PHKA2: variants seen among roughly 807,000 people sequenced by gnomAD.
PHKA2 encodes phosphorylase kinase regulatory subunit alpha 2, also known as phosphorylase b kinase regulatory subunit alpha, liver isoform.
Under a neutral mutation model 102.0 loss-of-function variants are expected in PHKA2, and 31 were observed. The ratio of observed to expected loss-of-function variants is 0.30; its 90% CI spans 0.23 to 0.41. The LOEUF (loss-of-function observed/expected upper bound fraction) is 0.41, where lower values mean the gene tolerates loss of function less well. Among genes scored for constraint, PHKA2 ranks in the 10% least tolerant of loss-of-function variants. PHKA2 has a pLI of 1.00. For synonymous variants in PHKA2, 455 were observed against 416.2 expected (o/e 1.09, Z -1.13); for missense variants, 858 against 1,023.1 (o/e 0.84, Z 2.20).
intron 1 of PHKA2, among the ~76,000 whole-genome samples, chrX:18,973,257 G>A (rs2049040899): frequency 4.5e-5 from 5 of 111,542 alleles, no homozygotes; most frequent in Admixed American, 1.9e-4. Context: ...CATCCGCCTC[G>A]GCCTCCCAAA....
intron 13 of PHKA2, among the ~76,000 whole-genome samples, chrX:18,928,910 C>T (rs1167821314): frequency 1.8e-5 from 2 of 112,823 alleles, no homozygotes; most frequent in South Asian, 7.2e-4. Flanking sequence ...TCTGAGTTTT[C>T]ACCAGGCTTA....
At chrX:18,983,007 GA>G (rs997996697) in intron 1 of PHKA2, among the ~76,000 whole-genome samples, 1 of 112,287 alleles carries the variant, frequency 8.9e-6, no homozygotes, top group Non-Finnish European at 1.9e-5. Flanking sequence ...ACAAGGCTAA[GA>G]AATTAGTTAA....
intron 1 of PHKA2, among the ~76,000 whole-genome samples, chrX:18,954,735 T>C (rs915267885): frequency 1.8e-5 from 2 of 112,960 alleles, no homozygotes; most frequent in South Asian, 3.6e-4. Flanking sequence ...AGGAAAAGAC[T>C]GCAAGGCTTT....
chrX:18,932,512 G>A (rs770970629), intron 11 of PHKA2, among the ~76,000 whole-genome samples: 1 of 109,813 alleles, frequency 9.1e-6, no homozygotes, highest in Non-Finnish European at 1.9e-5. Context: ...ACACCATGAG[G>A]AGACTCATCT....
At chrX:18,971,365 G>A (rs1165310407) in intron 1 of PHKA2, among the ~76,000 whole-genome samples, 2 of 112,087 alleles carry the variant, frequency 1.8e-5, no homozygotes, top group Non-Finnish European at 3.8e-5. Context: ...TCTGCACATT[G>A]CTTGTTTACA....
intron 1 of PHKA2, among the ~76,000 whole-genome samples, chrX:18,974,907 T>C (rs1321872732): frequency 9.0e-6 from 1 of 111,255 alleles, no homozygotes; most frequent in African/African-American, 3.3e-5. Context: ...CTCATCCCCC[T>C]TGGCAGTACC....
At chrX:18,900,794 G>A in intron 27 of PHKA2, 95 bp from the exon 28 acceptor site, 1 of 765,838 alleles carries the variant, frequency 1.3e-6, no homozygotes, top group African/African-American at 2.0e-5. Flanking sequence ...GGGCCGTGTT[G>A]GTCAAACCGC....
rs190549327 is a variant in PHKA2 at position 18,934,674 on chromosome X, C to T, written c.1137+1381G>A. On this transcript the variant is annotated intron_variant, in intron 11 of 32. Transcript: ENST00000379942. ...TGAAAATAAGGCTCAAAGTGATACA[C>T]GGTGGTACCTTTTTTGCCATAAGGA... Among the ~76,000 whole-genome samples the T allele has an allele frequency of 5.9e-3, 660 of 112,797 alleles. 3 individuals are homozygous for T. The highest frequency in any genetic ancestry group is 8.6e-3 in the Non-Finnish European group (459 of 53,296).
chrX:18,956,505 G>A (rs1317198793), intron 1 of PHKA2, among the ~76,000 whole-genome samples: 1 of 111,827 alleles, frequency 8.9e-6, no homozygotes, highest in Non-Finnish European at 1.9e-5. Context: ...CTTACACATA[G>A]TGACAAGTGT....
chrX:18,904,862 G>A (rs745462682), intron 26 of PHKA2, among the ~76,000 whole-genome samples: 2 of 112,061 alleles, frequency 1.8e-5, no homozygotes, highest in South Asian at 3.7e-4. Flanking sequence ...TTTTTATGAG[G>A]AGGAGAAATG....
At chrX:18,909,203 A>C (rs2147863417) in intron 20 of PHKA2, among the ~76,000 whole-genome samples, 1 of 112,066 alleles carries the variant, frequency 8.9e-6, no homozygotes, top group South Asian at 3.7e-4. Context: ...AGTAGAACTA[A>C]CCTCTGGTGT....
chrX:18,973,936 C>G (rs756033573), intron 1 of PHKA2, among the ~76,000 whole-genome samples: 1 of 111,479 alleles, frequency 9.0e-6, no homozygotes, highest in Non-Finnish European at 1.9e-5. Flanking sequence ...CCTTCTCTCT[C>G]AAACCTCCAA....
chrX:18,955,339 T>G (rs1158522223), intron 1 of PHKA2, among the ~76,000 whole-genome samples: 3 of 108,174 alleles, frequency 2.8e-5, no homozygotes, highest in Non-Finnish European at 5.7e-5. Context: ...GGGCTGGGAG[T>G]AGAGGTAGAA....
intron 17 of PHKA2, among the ~76,000 whole-genome samples, chrX:18,922,194 C>T (rs917972013): frequency 1.8e-5 from 2 of 110,204 alleles, no homozygotes; most frequent in African/African-American, 6.6e-5. Context: ...TGCAGTGAGC[C>T]GAGATTGTGC....
chrX:18,930,722 C>T (rs372487084), intron 12 of PHKA2, among the ~76,000 whole-genome samples: 5 of 111,691 alleles, frequency 4.5e-5, no homozygotes, highest in Non-Finnish European at 7.5e-5. Flanking sequence ...ACAGCCCCTA[C>T]TCCAAGGACA....
chrX:18,961,518 C>A (rs1353791036), intron 1 of PHKA2, among the ~76,000 whole-genome samples: 1 of 108,695 alleles, frequency 9.2e-6, no homozygotes, highest in African/African-American at 3.4e-5. Context: ...ATTAGCCAGG[C>A]ATGGTGGTGC....
At chrX:18,898,337 C>T (rs1042839272) in intron 29 of PHKA2, among the ~76,000 whole-genome samples, 7 of 112,865 alleles carry the variant, frequency 6.2e-5, no homozygotes, top group Admixed American at 9.3e-5. Flanking sequence ...TGAGTGGGGG[C>T]GCATCCCCTC....
intron 1 of PHKA2, among the ~76,000 whole-genome samples, chrX:18,981,798 C>T (rs1196033028): frequency 9.0e-6 from 1 of 111,014 alleles, no homozygotes; most frequent in Non-Finnish European, 1.9e-5. Context: ...CCATTATTTA[C>T]TGTTGCCCAG....
intron 20 of PHKA2, 91 bp from the exon 21 acceptor site, chrX:18,909,025 C>G: frequency 9.1e-7 from 1 of 1,094,239 alleles, no homozygotes; most frequent in South Asian, 1.8e-5. Context: ...GGTCTTGGAA[C>G]TCTATTGCTG....
Sources: allele counts gnomAD v4.1 joint callset (sites outside exome capture counted in the v4.1 genomes callset), GRCh38; gene constraint gnomAD v4.1.1; transcripts MANE v1.5; gene names NCBI Gene and HGNC (gene_info 2026-07-23, HGNC 2026-07-21).